The following FRMPD3 variants were observed in gnomAD, a reference collection of about 807,000 sequenced individuals.
The protein encoded by FRMPD3 is FERM and PDZ domain-containing protein 3.
FRMPD3 carries 42 observed loss-of-function variants against 97.9 expected under a neutral mutation model. The observed-to-expected ratio is 0.43, with a 90% CI of 0.34 to 0.55. FRMPD3 has a LOEUF of 0.55. FRMPD3 is among the 20% of genes least tolerant of loss of function. The pLI is 0.03. For synonymous variants in FRMPD3, 577 were observed against 581.1 expected, an observed-to-expected ratio of 0.99 and a Z score of 0.10; for missense variants, 1,303 against 1,457.7, an observed-to-expected ratio of 0.89 and a Z score of 1.73.
intron 1 of FRMPD3, among the ~76,000 whole-genome samples, chrX:107,459,679 G>A (rs1931432235): frequency 8.9e-6 from 1 of 112,531 alleles, no homozygotes; most frequent in African/African-American, 3.2e-5. Context: ...AGCATATGAT[G>A]CCTTGTAAAG....
rs1931245198 is a variant in FRMPD3, at chrX:107,449,913, C to CGCCGCCGCTGCGCCGCCGCT, written c.-94_-75dup. 9.1e-6 allele frequency among the ~76,000 whole-genome samples: 1 copy of CGCCGCCGCTGCGCCGCCGCT among 109,509 alleles called. No individual in the cohort carries two copies. The highest frequency in any genetic ancestry group is 1.9e-5 in the Non-Finnish European group (1 of 52,060). On this transcript the variant is annotated 5_prime_UTR_variant, in exon 1 of 15. Transcript: ENST00000683843. ...CTAGTCCCGCTGCCGCCGCCGCCGC[C>CGCCGCCGCTGCGCCGCCGCT]GCCGCCGCTGCGCCGCCGCTGCCGC... is the stretch of plus-strand genomic sequence containing the variant.
At chrX:107,453,060 C>T (rs771215220) in intron 1 of FRMPD3, among the ~76,000 whole-genome samples, 148 of 111,163 alleles carry the variant, frequency 1.3e-3, no homozygotes, top group African/African-American at 4.0e-3. Flanking sequence ...TCCCCCACTA[C>T]GCATAAATGA....
rs770786981 is a variant in FRMPD3 at position 107,548,321 on chromosome X, A to T, written c.403-1728A>T. 2.0e-4 allele frequency among the ~76,000 whole-genome samples: 22 copies of T among 112,677 alleles called. No individual in the cohort carries two copies. The East Asian group carries it at 6.1e-3, about 31-fold the overall frequency. On this transcript the variant is annotated intron_variant, in intron 5 of 14. Coordinates refer to ENST00000683843, the MANE Select transcript of FRMPD3 (RefSeq NM_001388459.1). ...TAAATCTCCTGTAGCTCTCATAGAG[A>T]CTTAGCATAGTGTTGGGCATACAGT... is the stretch of plus-strand genomic sequence containing the variant.
Position 107,602,071 on chromosome X carries a change from C to A in FRMPD3, c.4032C>A (p.Ser1344Arg). ...QPEAGPGVSL[S>R]SPINVQRIRS... ...AGGCTGGCCCAGGCGTGAGCCTCAGCAGCCCCATCAATGTCCAGCGCATTC... is the reference window on the plus strand; with the variant it reads ...AGGCTGGCCCAGGCGTGAGCCTCAGAAGCCCCATCAATGTCCAGCGCATTC... Residue 1344 changes from serine (S) to arginine (R), a missense_variant, in exon 15 of 15, where the codon AGC (serine) becomes AGA (arginine). Ser to Arg is a moderately radical substitution (Grantham distance 110). Transcript: ENST00000683843. 2 of 1,201,160 alleles carry A rather than the reference C, an allele frequency of 1.7e-6. No individual in the cohort carries two copies. The highest frequency in any genetic ancestry group is 2.2e-6 in the Non-Finnish European group (2 of 890,363).
At chrX:107,520,593 G>A (rs1001498944) in intron 1 of FRMPD3, among the ~76,000 whole-genome samples, 1 of 111,552 alleles carries the variant, frequency 9.0e-6, no homozygotes, top group Non-Finnish European at 1.9e-5. Flanking sequence ...CCAGGAAGTC[G>A]AGGCTGCCTT....
intron 13 of FRMPD3, among the ~76,000 whole-genome samples, chrX:107,588,661 G>A (rs747080791): frequency 1.0e-3 from 112 of 111,724 alleles, no homozygotes; most frequent in African/African-American, 3.0e-3. Flanking sequence ...GATAATATCC[G>A]AAAGTGTGTT....
At chrX:107,587,301 G>C (rs1158061019) in intron 13 of FRMPD3, among the ~76,000 whole-genome samples, 1 of 110,035 alleles carries the variant, frequency 9.1e-6, no homozygotes, top group Non-Finnish European at 1.9e-5. Context: ...CCATTTGCTT[G>C]ATAAATTTTC....
In FRMPD3 at chrX:107,588,258, CTTT is replaced by C. The variant is rs1186488725; in HGVS notation, c.1442-9052_1442-9050del. Among the ~76,000 whole-genome samples, 11 of 101,812 alleles carry C rather than the reference CTTT, an allele frequency of 1.1e-4. No individual in the cohort carries two copies. In the East Asian group the frequency reaches 3.4e-3, roughly 31 times the overall value. 88.4% of individuals were successfully genotyped at this position (101,812 alleles called of 115,157 possible). On this transcript the variant is annotated intron_variant, in intron 13 of 14. Transcript: ENST00000683843. Reference sequence around the variant, plus strand: ...GTGTCTTGTGGTTGATCTTCTTCTTCTTTTTTTTTTTTTGAGACAGAGTTTCAC... The same window carrying C: ...GTGTCTTGTGGTTGATCTTCTTCTTCTTTTTTTTTTGAGACAGAGTTTCAC...
At chrX:107,583,106 C>G (rs957068494) in intron 13 of FRMPD3, among the ~76,000 whole-genome samples, 29 of 106,677 alleles carry the variant, frequency 2.7e-4, no homozygotes, top group African/African-American at 8.2e-4. Context: ...CTCTTTTTTT[C>G]TTTTTCTTTT....
chrX:107,455,615 A>AT (rs1403378914), intron 1 of FRMPD3, among the ~76,000 whole-genome samples: 9 of 111,177 alleles, frequency 8.1e-5, no homozygotes, highest in Non-Finnish European at 1.5e-4. Flanking sequence ...TTTTTTTTTA[A>AT]TTTTTTTAAA....
intron 1 of FRMPD3, among the ~76,000 whole-genome samples, chrX:107,494,239 T>C (rs995056444): frequency 1.8e-5 from 2 of 112,030 alleles, no homozygotes; most frequent in Non-Finnish European, 3.8e-5. Flanking sequence ...GAAGAGACTA[T>C]GTAAATACTT....
chrX:107,532,942 G>T (rs1022406702), intron 3 of FRMPD3, among the ~76,000 whole-genome samples: 6 of 111,816 alleles, frequency 5.4e-5, no homozygotes, highest in Non-Finnish European at 1.1e-4. Context: ...TTGAATATTT[G>T]CTATCTGGAG....
intron 4 of FRMPD3, among the ~76,000 whole-genome samples, chrX:107,539,442 C>T (rs751801754): frequency 4.5e-5 from 5 of 111,831 alleles, no homozygotes; most frequent in Admixed American, 2.8e-4. Context: ...TATTTTTAAA[C>T]GGATAAAGTA....
chrX:107,601,780 G>A lies in FRMPD3; in HGVS notation c.3741G>A (p.Leu1247=). The change falls in exon 15 of 15, where the codon CTG becomes CTA. Residue 1247 remains leucine, a synonymous_variant. Coordinates refer to ENST00000683843, the MANE Select transcript of FRMPD3 (RefSeq NM_001388459.1). The stretch of plus-strand genomic sequence containing the variant: ...TGCAGAAGGTAAAGCAGTATGAACT[G>A]GAGTTCCTTGAGGAACTTCTAAAGC... The part of the protein sequence containing the change: ...AQLQKVKQYE[L]EFLEELLKPP... The A allele has an allele frequency of 8.3e-7, 1 of 1,210,971 alleles. No individual in the cohort carries two copies. Among genetic ancestry groups the A allele is most frequent in the Non-Finnish European group, 1.1e-6 (1 of 895,417 alleles).
intron 4 of FRMPD3, among the ~76,000 whole-genome samples, chrX:107,542,718 C>G (rs1220531118): frequency 8.9e-6 from 1 of 112,536 alleles, no homozygotes; most frequent in East Asian, 2.8e-4. Flanking sequence ...CCTCCTGTGG[C>G]TGATTGGGTA....
chrX:107,541,446 C>T, intron 4 of FRMPD3, among the ~76,000 whole-genome samples: 1 of 112,531 alleles, frequency 8.9e-6, no homozygotes, highest in South Asian at 3.7e-4. Context: ...ATCTTAGAGA[C>T]CAACAGGACA....
chrX:107,578,326 A>G (rs750047604), intron 13 of FRMPD3, among the ~76,000 whole-genome samples: 1 of 112,109 alleles, frequency 8.9e-6, no homozygotes, highest in South Asian at 3.8e-4. Flanking sequence ...GCTGGCCCCA[A>G]GTATTCCCCT....
chrX:107,555,274 G>A (rs1241855579), intron 8 of FRMPD3: 1 of 111,954 alleles, frequency 8.9e-6, no homozygotes, highest in African/African-American at 3.2e-5. Flanking sequence ...AAGAGGAGTA[G>A]GGAATAAAAT....
chrX:107,603,262 G>A lies in FRMPD3; in HGVS notation c.5223G>A (p.Gln1741=), dbSNP rs1439937573. ...QQQQQQQQQQ[Q]QQVAAAAGAA... is the part of the protein sequence containing the mutation. The stretch of plus-strand genomic sequence containing the variant: ...AGCAACAACAACAGCAGCAGCAGCA[G>A]CAGCAGGTGGCAGCAGCTGCAGGGG... Residue 1741 remains glutamine (Q), a synonymous_variant, in exon 15 of 15, where the codon CAG becomes CAA. Coordinates refer to ENST00000683843, the MANE Select transcript of FRMPD3 (RefSeq NM_001388459.1). 1 of 1,159,092 alleles carries A rather than the reference G, an allele frequency of 8.6e-7. No individual in the cohort carries two copies. The highest frequency in any genetic ancestry group is 1.2e-6 in the Non-Finnish European group (1 of 869,229).
Sources: allele counts gnomAD v4.1 joint callset (sites outside exome capture counted in the v4.1 genomes callset), GRCh38; gene constraint gnomAD v4.1.1; transcripts MANE v1.5; gene names NCBI Gene and HGNC (gene_info 2026-07-23, HGNC 2026-07-21).